EYS: variants seen among roughly 807,000 people sequenced by gnomAD.
EYS encodes protein eyes shut homolog.
EYS carries 250 observed loss-of-function variants against 282.1 expected under a neutral mutation model. That is an observed-to-expected ratio of 0.89 (90% CI 0.80 to 0.98). EYS has a LOEUF of 0.98. Ranked by LOEUF, EYS falls within the 50% of genes least tolerant of loss-of-function variation. The pLI is 0.00. For missense variants in EYS, 4,016 were observed against 3,709.0 expected (o/e 1.08, Z -2.15); for synonymous variants, 1,355 against 1,282.9 (o/e 1.06, Z -1.20).
intron 11 of EYS, among the ~76,000 whole-genome samples, chr6:65,298,902 C>T (rs1023476996): frequency 5.9e-5 from 9 of 151,874 alleles, no homozygotes; most frequent in Non-Finnish European, 1.3e-4. Flanking sequence ...ATATTTCACC[C>T]TCAGAAGGCA....
At chr6:64,124,962 G>A (rs1715792287) in intron 31 of EYS, among the ~76,000 whole-genome samples, 1 of 152,142 alleles carries the variant, frequency 6.6e-6, no homozygotes. Context: ...TGAAGGATGA[G>A]ATAGTCCCGT....
rs115653373 is a variant in EYS at position 64,744,010 on chromosome 6, T to A, written c.3443+69368A>T. ...ATAGATGACTCTTTGTAAAATTTGG[T>A]ATACATTCTCTACATTCATGTCTTT... is the stretch of plus-strand genomic sequence containing the variant. On this transcript the variant is annotated intron_variant, in intron 22 of 42. Coordinates refer to ENST00000503581, the MANE Select transcript of EYS (RefSeq NM_001142800.2). Among the ~76,000 whole-genome samples the A allele has an allele frequency of 5.0e-3, 769 of 152,280 alleles. 4 individuals are homozygous for A. Among genetic ancestry groups the A allele is most frequent in the African/African-American group, 0.018 (731 of 41,570 alleles).
intron 12 of EYS, among the ~76,000 whole-genome samples, chr6:65,084,715 A>G (rs369110088): frequency 4.6e-5 from 7 of 152,306 alleles, no homozygotes; most frequent in African/African-American, 1.7e-4. Context: ...TCAGCATTTC[A>G]TGACATTGAA....
intron 33 of EYS, among the ~76,000 whole-genome samples, chr6:64,016,207 T>A (rs1768881868): frequency 6.6e-6 from 1 of 152,314 alleles, no homozygotes; most frequent in East Asian, 1.9e-4. Context: ...CTTCTTATAA[T>A]CAAATACTGT....
chr6:64,349,821 G>A (rs1440441071), intron 29 of EYS, among the ~76,000 whole-genome samples: 1 of 151,394 alleles, frequency 6.6e-6, no homozygotes, highest in Non-Finnish European at 1.5e-5. Context: ...ATAAGAAAAG[G>A]TAGATCTTGT....
chr6:65,384,047 C>T (rs1765713298), intron 8 of EYS, among the ~76,000 whole-genome samples: 1 of 151,832 alleles, frequency 6.6e-6, no homozygotes. Flanking sequence ...TGGACCCTAA[C>T]AATCAACCAC....
intron 37 of EYS, among the ~76,000 whole-genome samples, chr6:63,801,334 T>C (rs1035435271): frequency 2.0e-5 from 3 of 151,886 alleles, no homozygotes; most frequent in Non-Finnish European, 2.9e-5. Flanking sequence ...TCATAGAACA[T>C]GGGGGATGAA....
intron 2 of EYS, among the ~76,000 whole-genome samples, chr6:65,544,034 G>GTGTGTGTGTGTA (rs1413111938): frequency 2.3e-5 from 2 of 86,970 alleles, no homozygotes; most frequent in Non-Finnish European, 4.3e-5. Flanking sequence ...GTGTGTGAGA[G>GTGTGTGTGTGTA]AGAGAGAGAC....
chr6:65,097,351 T>C (rs1428711850), intron 12 of EYS, among the ~76,000 whole-genome samples: 1 of 150,496 alleles, frequency 6.6e-6, no homozygotes. Flanking sequence ...ATAACAAGTA[T>C]TGGTGAGGAT....
chr6:64,089,340 T>C (rs1349737144), intron 31 of EYS, among the ~76,000 whole-genome samples: 1 of 150,510 alleles, frequency 6.6e-6, no homozygotes, highest in East Asian at 1.9e-4. Flanking sequence ...ATTACCTACA[T>C]TTATTATAAT....
chr6:65,622,714 C>T (rs1259237153), intron 2 of EYS, among the ~76,000 whole-genome samples: 1 of 151,388 alleles, frequency 6.6e-6, no homozygotes, highest in Non-Finnish European at 1.5e-5. Flanking sequence ...AGTAAGACCA[C>T]ATTTTTAATG....
chr6:64,589,598 A>T (rs1766335233), intron 26 of EYS, among the ~76,000 whole-genome samples: 1 of 152,122 alleles, frequency 6.6e-6, no homozygotes, highest in Non-Finnish European at 1.5e-5. Context: ...CTGTTATATG[A>T]GAAAACTGGC....
intron 26 of EYS, among the ~76,000 whole-genome samples, chr6:64,555,582 A>C (rs144000242): frequency 4.6e-5 from 7 of 152,128 alleles, no homozygotes; most frequent in Admixed American, 1.3e-4. Flanking sequence ...TTCAAACTAC[A>C]TCATGTTGTA....
chr6:64,537,747 G>C (rs1582868250), intron 26 of EYS, among the ~76,000 whole-genome samples: 2 of 152,088 alleles, frequency 1.3e-5, no homozygotes, highest in Middle Eastern at 3.4e-3. Context: ...TTCATTTCTT[G>C]TTCTTAACCC....
intron 11 of EYS, among the ~76,000 whole-genome samples, chr6:65,333,135 T>C (rs545957926): frequency 1.1e-4 from 17 of 151,586 alleles, no homozygotes; most frequent in African/African-American, 3.9e-4. Flanking sequence ...TAGTTTCCTC[T>C]CTTATCCATT....
intron 26 of EYS, among the ~76,000 whole-genome samples, chr6:64,497,453 G>A (rs574514772): frequency 1.6e-4 from 24 of 152,236 alleles, no homozygotes; most frequent in African/African-American, 5.8e-4. Context: ...AAATGAACAT[G>A]AGCCCAGAAG....
chr6:63,974,211 T>C (rs549525387), intron 35 of EYS, among the ~76,000 whole-genome samples: 1 of 152,210 alleles, frequency 6.6e-6, no homozygotes, highest in Non-Finnish European at 1.5e-5. Context: ...GTTAACACAA[T>C]TTACCATTTT....
At chr6:65,057,561 T>G in intron 13 of EYS, 53 bp downstream of exon 13, 2 of 1,053,234 alleles carry the variant, frequency 1.9e-6, no homozygotes, top group East Asian at 2.6e-5. Context: ...GAGACAGAAG[T>G]GCTTTTTAAA....
At position 65,405,268 on chromosome 6, in the gene EYS, G is replaced by A. The variant is rs534421846; in HGVS notation, c.962C>T (p.Pro321Leu). 1 of 1,612,900 alleles carries A rather than the reference G, an allele frequency of 6.2e-7. No individual in the cohort carries two copies. Reference sequence around the variant, plus strand: ...ACCATTTTGGCTGGAAGATCCTTTTGGGCATTCATAAGTATAAGCAGAACT... The same window carrying A: ...ACCATTTTGGCTGGAAGATCCTTTTAGGCATTCATAAGTATAAGCAGAACT... ...NSSSAYTYEC[P>L]KGSSSQNGET... The change falls in exon 6 of 43, where the codon CCA (proline) becomes CTA (leucine). Residue 321 changes from proline (P) to leucine (L), a missense_variant. Physicochemically the swap from Pro to Leu is moderately conservative, Grantham distance 98. Transcript: ENST00000503581.
Sources: gnomAD v4.1 joint callset for allele counts (sites outside exome capture counted in the v4.1 genomes callset) on GRCh38, gnomAD v4.1.1 for gene constraint, MANE v1.5 for transcripts, NCBI Gene and HGNC (gene_info 2026-07-23, HGNC 2026-07-21) for gene names.